The following TPTE2 variants were observed in gnomAD, a reference collection of about 807,000 sequenced individuals.
The protein encoded by TPTE2 is transmembrane phosphoinositide 3-phosphatase and tensin homolog 2, also known as phosphatidylinositol 3,4,5-trisphosphate 3-phosphatase TPTE2.
In TPTE2, 53 loss-of-function variants were observed where a neutral mutation model predicts 78.6. The observed-to-expected ratio is 0.67, with a 90% confidence interval of 0.54 to 0.85. TPTE2 has a LOEUF of 0.85. Ranked by LOEUF, TPTE2 falls within the 40% of genes least tolerant of loss-of-function variation. The probability of loss-of-function intolerance (pLI) is 0.00; values close to 1 mark genes in which losing one functional copy is unlikely to be tolerated. For missense variants in TPTE2, 461 were observed against 623.0 expected (o/e 0.74, Z 2.77); for synonymous variants, 175 against 206.2 (o/e 0.85, Z 1.30).
At chr13:19,423,141 A>G in exon 20 of TPTE2, 1 of 1,609,738 alleles carries the variant, frequency 6.2e-7, no homozygotes, top group Non-Finnish European at 8.5e-7. Flanking sequence ...TGGATTATCC[A>G]ATTCATTTCT....
At chr13:19,431,364 G>A (rs1325481253) in intron 16 of TPTE2, among the ~76,000 whole-genome samples, 6 of 151,942 alleles carry the variant, frequency 3.9e-5, no homozygotes, top group Admixed American at 3.9e-4. Context: ...TACAGACAAA[G>A]GCTCTTCTGT....
chr13:19,516,519 T>C (rs773282722), intron 1 of TPTE2, among the ~76,000 whole-genome samples: 1 of 152,232 alleles, frequency 6.6e-6, no homozygotes, highest in Non-Finnish European at 1.5e-5. Context: ...GATTCACAGA[T>C]CTTAAAATGT....
chr13:19,533,213 C>T (rs1020645937), intron 1 of TPTE2, among the ~76,000 whole-genome samples: 4 of 152,160 alleles, frequency 2.6e-5, no homozygotes, highest in African/African-American at 9.7e-5. Context: ...AGAGTGTCCA[C>T]TCATTTGGAC....
Position 19,486,885 on chromosome 13 carries a change from G to T in TPTE2, c.120-4338C>A, listed in dbSNP as rs1163446892. 6.6e-6 allele frequency among the ~76,000 whole-genome samples: 1 copy of T among 152,114 alleles called. No individual in the cohort carries two copies. The highest frequency in any genetic ancestry group is 1.5e-5 in the Non-Finnish European group (1 of 68,012). ...TGCTCAGCTGGCCTGGGTGGTGCCT[G>T]CCAGGGGAAGCCCAGGGGACTGCTT... On this transcript the variant is annotated intron_variant, in intron 3 of 19. Transcript: ENST00000400230. The surrounding 1 kb of genome is among the most constrained non-coding windows in gnomAD (Gnocchi z 4.3).
chr13:19,532,010 C>A (rs1160714175), intron 1 of TPTE2, among the ~76,000 whole-genome samples: 1 of 152,168 alleles, frequency 6.6e-6, no homozygotes, highest in East Asian at 1.9e-4. Flanking sequence ...AAGAAATAGA[C>A]AATAAAGAGT....
Position 19,489,776 on chromosome 13 carries a change from T to TA in TPTE2, c.119+3073_119+3074insT, listed in dbSNP as rs1224424059. ...CATGTGTGTTATATGTGTGTGTGTG[T>TA]GTAGATCCTTTAGCACTGACTCAAA... On this transcript the variant is annotated intron_variant, in intron 3 of 19. Coordinates refer to ENST00000400230, the Ensembl canonical transcript of TPTE2. Among the ~76,000 whole-genome samples, 21 of 4,694 alleles carry TA rather than the reference T, an allele frequency of 4.5e-3. 1 individual carries two copies. In the Non-Finnish European group the frequency reaches 0.045, roughly 10 times the overall value. The allele number at this position is 4,694 out of a possible 152,430, so 3.1% of individuals were successfully genotyped here. A position where few individuals can be genotyped will look rare whatever the true frequency, so the allele number is the denominator to read the frequency against.
At chr13:19,451,301 G>A in intron 10 of TPTE2, 76 bp from the exon 14 acceptor site, 1 of 1,579,646 alleles carries the variant, frequency 6.3e-7, no homozygotes, top group Non-Finnish European at 8.7e-7. Flanking sequence ...AACCTAAAAT[G>A]GTTATTACTT....
intron 1 of TPTE2, among the ~76,000 whole-genome samples, chr13:19,531,206 C>T (rs1870846792): frequency 6.6e-6 from 1 of 152,136 alleles, no homozygotes. Context: ...GAATCATATT[C>T]CATTGTACAT....
At chr13:19,544,060 C>CAAAAAAAAAAAAAAAAAAAAAAAAAAAA in the TPTE2 span, among the ~76,000 whole-genome samples, 2 of 31,984 alleles carry the variant, frequency 6.3e-5, no homozygotes, top group Non-Finnish European at 1.0e-4. Context: ...GAACCTGTCT[C>CAAAAAAAAAAAAAAAAAAAAAAAAAAAA]AAAAAAAAAA....
intron 3 of TPTE2, among the ~76,000 whole-genome samples, chr13:19,490,509 A>G (rs1231247586): frequency 1.3e-5 from 2 of 152,150 alleles, no homozygotes; most frequent in Non-Finnish European, 2.9e-5. Context: ...GTTTATATAC[A>G]TTTCTTTACT....
intron 10 of TPTE2, among the ~76,000 whole-genome samples, chr13:19,463,938 A>AG (rs1879096980): frequency 6.6e-6 from 1 of 152,176 alleles, no homozygotes; most frequent in South Asian, 2.1e-4. Flanking sequence ...GGCACCAGGT[A>AG]GGCCAGTCCT....
chr13:19,449,387 T>A (rs1878038391), intron 13 of TPTE2, among the ~76,000 whole-genome samples: 1 of 152,150 alleles, frequency 6.6e-6, no homozygotes, highest in Non-Finnish European at 1.5e-5. Flanking sequence ...GTGATCCACC[T>A]GCCTCAGCCT....
intron 2 of TPTE2, among the ~76,000 whole-genome samples, chr13:19,493,198 C>G (rs1881106622): frequency 6.7e-6 from 1 of 150,252 alleles, no homozygotes; most frequent in Non-Finnish European, 1.5e-5. Context: ...AAAAAAATCT[C>G]TATGGCCATG....
intron 3 of TPTE2, among the ~76,000 whole-genome samples, chr13:19,487,724 A>G (rs1286522193): frequency 2.6e-5 from 4 of 152,128 alleles, no homozygotes; most frequent in African/African-American, 9.7e-5. Context: ...AGTGCTGGAG[A>G]GGCACAGTGG....
At chr13:19,531,610 A>G (rs1240483271) in intron 1 of TPTE2, among the ~76,000 whole-genome samples, 1 of 144,468 alleles carries the variant, frequency 6.9e-6, no homozygotes, top group African/African-American at 2.5e-5. Flanking sequence ...AAATAATAAC[A>G]TAACAATTAG....
intron 1 of TPTE2, among the ~76,000 whole-genome samples, chr13:19,498,272 C>A (rs951498843): frequency 1.3e-5 from 2 of 151,580 alleles, no homozygotes; most frequent in African/African-American, 4.8e-5. Flanking sequence ...GGCAGGCCAA[C>A]GTTCAGATTC....
exon 18 of TPTE2, chr13:19,426,495 T>C: frequency 6.3e-7 from 1 of 1,588,906 alleles, no homozygotes; most frequent in Non-Finnish European, 8.6e-7. Flanking sequence ...TAATATTTTG[T>C]CTGTTTCAAT....
intron 5 of TPTE2, among the ~76,000 whole-genome samples, chr13:19,474,902 T>C (rs1879839331): frequency 6.6e-6 from 1 of 152,234 alleles, no homozygotes; most frequent in Non-Finnish European, 1.5e-5. Context: ...ATTCCAGATG[T>C]ATAAGGTACT....
intron 1 of TPTE2, among the ~76,000 whole-genome samples, chr13:19,516,992 G>A (rs1179920040): frequency 3.9e-5 from 6 of 152,132 alleles, no homozygotes; most frequent in African/African-American, 1.4e-4. Flanking sequence ...AAATATCAAA[G>A]CTCTCAGTCT....
Sources: gnomAD v4.1 joint callset for allele counts (sites outside exome capture counted in the v4.1 genomes callset) on GRCh38, gnomAD v4.1.1 for gene constraint, Gnocchi (gnomAD v3.1) non-coding constraint, MANE v1.5 for transcripts, NCBI Gene and HGNC (gene_info 2026-07-23, HGNC 2026-07-21) for gene names.